The following NFIB variants were observed in gnomAD, a reference collection of about 807,000 sequenced individuals.
NFIB encodes nuclear factor I B.
In NFIB, 11 loss-of-function variants were observed where a neutral mutation model predicts 61.5. The ratio of observed to expected loss-of-function variants is 0.18; its 90% CI spans 0.11 to 0.30. The LOEUF is 0.30. Ranked by LOEUF, NFIB falls within the 10% of genes least tolerant of loss-of-function variation. The pLI is 1.00. For missense variants in NFIB, 471 were observed against 608.9 expected (o/e 0.77, Z 2.38); for synonymous variants, 260 against 216.5 (o/e 1.20, Z -1.76).
the NFIB span, among the ~76,000 whole-genome samples, chr9:14,445,642 T>C: frequency 6.6e-6 from 1 of 152,196 alleles, no homozygotes; most frequent in African/African-American, 2.4e-5. Context: ...AATTTTCAAA[T>C]ATTAAACCAA....
In NFIB at chr9:14,313,989, C is replaced by A; in HGVS notation, c.-478G>T. 4.5e-5 allele frequency: 1 copy of A among 22,280 alleles called. No individual in the cohort carries two copies. Among genetic ancestry groups the A allele is most frequent in the South Asian group, 2.0e-3 (1 of 498 alleles). The allele number at this position is 22,280 out of a possible 1,614,324, so 1.4% of individuals were successfully genotyped here. A position where few individuals can be genotyped will look rare whatever the true frequency, so the allele number is the denominator to read the frequency against. On this transcript the variant is annotated 5_prime_UTR_variant, in exon 1 of 11. Coordinates refer to ENST00000380953, the MANE Select transcript of NFIB (RefSeq NM_001190737.2). The surrounding 1 kb of genome is among the most constrained non-coding windows in gnomAD (Gnocchi z 4.5). ...GGGCGCAGGAGGGCGAGCGGGCGGG[C>A]GGGAGGGAGAGCGGGGAGAATGTGT...
Position 14,122,397 on chromosome 9 carries a change from G to A in NFIB, c.1061-1773C>T, listed in dbSNP as rs76839082. Among the ~76,000 whole-genome samples the A allele has an allele frequency of 3.8e-3, 574 of 152,250 alleles. 4 individuals carry two copies. The highest frequency in any genetic ancestry group is 0.013 in the African/African-American group (546 of 41,534). ...CCTTGGTCTACACACAGACCTAGGG[G>A]ATCAGGACCTCTAGGGGTAAGGCAC... is the stretch of plus-strand genomic sequence containing the variant. On this transcript the variant is annotated intron_variant, in intron 7 of 10. Coordinates refer to ENST00000380953, the MANE Select transcript of NFIB (RefSeq NM_001190737.2).
chr9:14,117,207 T>G (rs910082440), intron 8 of NFIB, among the ~76,000 whole-genome samples: 1 of 152,186 alleles, frequency 6.6e-6, no homozygotes, highest in Non-Finnish European at 1.5e-5. Context: ...AAAACATTTC[T>G]TGTTGACATT....
intron 2 of NFIB, among the ~76,000 whole-genome samples, chr9:14,271,316 G>A (rs770388591): frequency 6.6e-6 from 1 of 150,582 alleles, no homozygotes; most frequent in Admixed American, 6.6e-5. Context: ...TCAAGCCCAC[G>A]GATAGTTATC....
chr9:14,456,647 T>A, the NFIB span, among the ~76,000 whole-genome samples: 1 of 152,154 alleles, frequency 6.6e-6, no homozygotes, highest in Non-Finnish European at 1.5e-5. Flanking sequence ...CAAATTAAAA[T>A]TAAAGTAAGA....
intron 2 of NFIB, among the ~76,000 whole-genome samples, chr9:14,225,785 T>C (rs1285396453): frequency 6.6e-6 from 1 of 152,098 alleles, no homozygotes; most frequent in Non-Finnish European, 1.5e-5. Flanking sequence ...AGAAAAAAAA[T>C]CCAGAAATAC....
chr9:14,396,676 G>A (rs1039929198), intron 1 of NFIB, among the ~76,000 whole-genome samples: 1 of 152,208 alleles, frequency 6.6e-6, no homozygotes, highest in Non-Finnish European at 1.5e-5. Context: ...CCCTCAAAAA[G>A]TGGAGACGAA....
the NFIB span, among the ~76,000 whole-genome samples, chr9:14,525,438 G>A: frequency 1.3e-5 from 2 of 152,156 alleles, no homozygotes; most frequent in African/African-American, 4.8e-5. Flanking sequence ...TTGAAGTCGA[G>A]TGGCCTCCCC....
chr9:14,530,950 C>T, the NFIB span, among the ~76,000 whole-genome samples: 1 of 152,104 alleles, frequency 6.6e-6, no homozygotes, highest in Non-Finnish European at 1.5e-5. Context: ...AGTAAATGTT[C>T]AGATGAATGA....
At chr9:14,447,814 T>C in the NFIB span, among the ~76,000 whole-genome samples, 3 of 152,302 alleles carry the variant, frequency 2.0e-5, no homozygotes, top group East Asian at 5.8e-4. Flanking sequence ...CATGTTCATT[T>C]GTTTCAACAA....
chr9:14,522,657 C>T, the NFIB span, among the ~76,000 whole-genome samples: 1 of 152,116 alleles, frequency 6.6e-6, no homozygotes, highest in Non-Finnish European at 1.5e-5. Context: ...AACTATTATC[C>T]CCTGCAGTGC....
chr9:14,107,027 T>C (rs2036658556), intron 10 of NFIB, among the ~76,000 whole-genome samples: 2 of 152,054 alleles, frequency 1.3e-5, no homozygotes, highest in South Asian at 2.1e-4. Flanking sequence ...TTGAAAGGTA[T>C]GTTTTATGTT....
At chr9:14,498,583 G>A in the NFIB span, among the ~76,000 whole-genome samples, 1 of 152,200 alleles carries the variant, frequency 6.6e-6, no homozygotes, top group Non-Finnish European at 1.5e-5. Flanking sequence ...AGCTCAGGAT[G>A]CAGATCATTG....
intron 3 of NFIB, among the ~76,000 whole-genome samples, chr9:14,167,048 T>G (rs945671786): frequency 1.4e-5 from 2 of 142,376 alleles, no homozygotes; most frequent in African/African-American, 5.1e-5. Flanking sequence ...TCCTCCATAT[T>G]TTCTCACCAA....
At chr9:14,188,689 C>T (rs544830550) in intron 2 of NFIB, among the ~76,000 whole-genome samples, 2 of 152,298 alleles carry the variant, frequency 1.3e-5, no homozygotes, top group South Asian at 4.1e-4. Flanking sequence ...CAGTTTGCCA[C>T]ATGAAAATAA....
At chr9:14,163,626 A>G (rs1587194282) in intron 3 of NFIB, among the ~76,000 whole-genome samples, 1 of 152,080 alleles carries the variant, frequency 6.6e-6, no homozygotes, top group Non-Finnish European at 1.5e-5. Context: ...AATACAATCT[A>G]TTAAAATACA....
intron 2 of NFIB, 34 bp downstream of exon 2, chr9:14,306,955 T>C (rs2060052740): frequency 1.2e-6 from 2 of 1,606,576 alleles, no homozygotes; most frequent in Non-Finnish European, 8.5e-7. Context: ...AGGCGGTGTT[T>C]GCCGTGCTAG....
At chr9:14,452,019 A>C in the NFIB span, among the ~76,000 whole-genome samples, 1 of 152,150 alleles carries the variant, frequency 6.6e-6, no homozygotes, top group Non-Finnish European at 1.5e-5. Flanking sequence ...TTAATCCGGG[A>C]TGTCTGCTCT....
chr9:14,295,122 T>C (rs1053621830), intron 2 of NFIB, among the ~76,000 whole-genome samples: 2 of 152,226 alleles, frequency 1.3e-5, no homozygotes, highest in East Asian at 1.9e-4. Context: ...CCTACGGAGC[T>C]CATTTAATTA....
Sources: gnomAD v4.1 joint callset for allele counts (sites outside exome capture counted in the v4.1 genomes callset) on GRCh38, gnomAD v4.1.1 for gene constraint, Gnocchi (gnomAD v3.1) non-coding constraint, MANE v1.5 for transcripts, NCBI Gene and HGNC (gene_info 2026-07-23, HGNC 2026-07-21) for gene names.